TUBGCP5: variants seen among roughly 807,000 people sequenced by gnomAD.
TUBGCP5 encodes the protein gamma-tubulin complex component 5.
In TUBGCP5, 98 loss-of-function variants were observed where a neutral mutation model predicts 134.7. That is an observed-to-expected ratio of 0.73 (90% CI 0.62 to 0.86). TUBGCP5 has a LOEUF of 0.86. Ranked by LOEUF, TUBGCP5 falls within the 40% of genes least tolerant of loss-of-function variation. TUBGCP5 has a pLI of 0.00. For missense variants in TUBGCP5, 1,150 were observed against 1,244.8 expected (o/e 0.92, Z 1.15); for synonymous variants, 456 against 431.4 (o/e 1.06, Z -0.71).
rs1365402087 is a variant in TUBGCP5 at position 23,005,488 on chromosome 15, A to G, written c.2656T>C (p.Leu886=). Residue 886 remains leucine (L), a synonymous_variant, in exon 19 of 23, where the codon TTA becomes CTA. Transcript: ENST00000615383. ...VRQQIHRMFL[L]RVKLMHFVNS... is the part of the protein sequence containing the mutation. The stretch of plus-strand genomic sequence containing the variant: ...ACGAAATGCATGAGCTTCACTCTTA[A>G]GAGGAACATGCGATGAATCTGCTGT... 2 of 1,614,202 alleles carry G rather than the reference A, an allele frequency of 1.2e-6. 1 individual carries two copies. Among genetic ancestry groups the G allele is most frequent in the South Asian group, 2.2e-5 (2 of 91,086 alleles).
chr15:22,983,692 T>C (rs1056515714), intron 23 of TUBGCP5: 4 of 152,188 alleles, frequency 2.6e-5, no homozygotes, highest in African/African-American at 7.2e-5. Flanking sequence ...TGGTATACTA[T>C]AATAAAAGTG....
At position 23,031,506 on chromosome 15, in the gene TUBGCP5, G is replaced by C. The variant is rs190071724; in HGVS notation, c.486+444C>G. Among the ~76,000 whole-genome samples, 3 of 152,148 alleles carry C rather than the reference G, an allele frequency of 2.0e-5. No individual in the cohort carries two copies. In the East Asian group the frequency reaches 5.8e-4, roughly 29 times the overall value. ...TAATTTTTTGTATTCTTAGTTGACG[G>C]GGTTTCACTATGTTGCCCAGGCTGC... On this transcript the variant is annotated intron_variant, in intron 5 of 22. Transcript: ENST00000615383.
intron 21 of TUBGCP5, among the ~76,000 whole-genome samples, chr15:23,002,492 C>T (rs1448725999): frequency 6.6e-6 from 1 of 152,182 alleles, no homozygotes; most frequent in Non-Finnish European, 1.5e-5. Context: ...GAGCTGCTCC[C>T]GGGCCACTTC....
At chr15:22,985,966 T>C (rs1242167280) in intron 23 of TUBGCP5, among the ~76,000 whole-genome samples, 1 of 151,638 alleles carries the variant, frequency 6.6e-6, no homozygotes, top group Non-Finnish European at 1.5e-5. Flanking sequence ...ACCTTGTCTC[T>C]ATCAAAAATA....
chr15:22,996,629 A>G (rs1287930077), downstream of TUBGCP5, among the ~76,000 whole-genome samples: 1 of 152,126 alleles, frequency 6.6e-6, no homozygotes, highest in East Asian at 1.9e-4. Context: ...GTGGGACTAC[A>G]GGTGTCTGTC....
intron 23 of TUBGCP5, among the ~76,000 whole-genome samples, chr15:22,984,513 C>A (rs62009539): frequency 6.6e-6 from 1 of 151,796 alleles, no homozygotes. Flanking sequence ...CCAGCTACCC[C>A]GGGGGCTGAG....
chr15:22,990,647 A>C (rs1260660425), intron 23 of TUBGCP5, among the ~76,000 whole-genome samples: 1 of 152,196 alleles, frequency 6.6e-6, no homozygotes, highest in Non-Finnish European at 1.5e-5. Flanking sequence ...GAACTGTAAT[A>C]AATTTCTCCT....
In TUBGCP5 at chr15:23,018,011, G is replaced by A. The variant is rs139053896; in HGVS notation, c.1518C>T (p.Asp506=). The part of the protein sequence containing the change: ...RNKNVPVNHR[D]FWYATYTLYS... ...ATAACGTGTAAGTTGCATACCAGAA[G>A]TCTCTGTGATTAACTGGAACATTTT... The change falls in exon 13 of 23, where the codon GAC becomes GAT. Residue 506 remains aspartate, a synonymous_variant. Coordinates refer to ENST00000615383, the MANE Select transcript of TUBGCP5 (RefSeq NM_052903.6). 4.0e-4 allele frequency: 644 copies of A among 1,612,336 alleles called. 1 individual carries two copies. The highest frequency in any genetic ancestry group is 5.0e-4 in the Non-Finnish European group (595 of 1,178,816).
At chr15:23,027,118 AC>A in intron 7 of TUBGCP5, 73 bp downstream of exon 7, 1 of 1,164,438 alleles carries the variant, frequency 8.6e-7, no homozygotes, top group South Asian at 1.4e-5. Flanking sequence ...AACTTAAGTC[AC>A]AAATCAAAGC....
At chr15:23,031,922 T>C (rs1256449173) in intron 5 of TUBGCP5, 28 bp downstream of exon 5, 1 of 1,575,112 alleles carries the variant, frequency 6.3e-7, no homozygotes, top group Non-Finnish European at 8.6e-7. Flanking sequence ...GTATTTCAAT[T>C]TTCAATAGCA....
In TUBGCP5 at chr15:23,003,345, A is replaced by G. The variant is rs75052668; in HGVS notation, c.2839-192T>C. On this transcript the variant is annotated intron_variant, in intron 20 of 22. Transcript: ENST00000615383. ...GGCACATGCATTCACTGAATGTAAG[A>G]TACAAGTGATATTAGCAGTACAGTC... Among the ~76,000 whole-genome samples, 935 of 152,364 alleles carry G rather than the reference A, an allele frequency of 6.1e-3. 10 individuals are homozygous for G. Among genetic ancestry groups the G allele is most frequent in the African/African-American group, 0.021 (866 of 41,586 alleles).
At chr15:23,010,806 C>G (rs947467787) in intron 14 of TUBGCP5, among the ~76,000 whole-genome samples, 1 of 151,864 alleles carries the variant, frequency 6.6e-6, no homozygotes, top group African/African-American at 2.4e-5. Context: ...GGAGGAAACC[C>G]CGTCTCTACA....
At position 23,037,086 on chromosome 15, in the gene TUBGCP5, C is replaced by T. The variant is rs145308777; in HGVS notation, c.200+13G>A. The T allele has an allele frequency of 2.9e-4, 462 of 1,613,306 alleles. 1 individual carries two copies. In the African/African-American group the frequency reaches 5.3e-3, roughly 18 times the overall value. On this transcript the variant is annotated intron_variant, in intron 2 of 22. Transcript: ENST00000615383. ...ATATATTTCTGGATGCGTATATATA[C>T]ACACTGACTTACCCTTCGATTGTTT...
At chr15:23,018,124 T>G in intron 12 of TUBGCP5, 83 bp from the exon 13 acceptor site, 2 of 1,354,008 alleles carry the variant, frequency 1.5e-6, no homozygotes, top group East Asian at 4.9e-5. Context: ...GTCCAGACAT[T>G]ATAAAACATA....
rs747568412 is a variant in TUBGCP5, at chr15:23,039,383, C to G, written c.146+15G>C. On this transcript the variant is annotated intron_variant, in intron 1 of 22. Coordinates refer to ENST00000615383, the MANE Select transcript of TUBGCP5 (RefSeq NM_052903.6). ...GGCTGTGGCCGGGAACCCGCCCGCG[C>G]GCCGTGCCCCACACCTGAAGTTGGA... 5 of 1,426,446 alleles carry G rather than the reference C, an allele frequency of 3.5e-6. No individual in the cohort carries two copies. Among genetic ancestry groups the G allele is most frequent in the Non-Finnish European group, 4.6e-6 (5 of 1,077,594 alleles). 88.4% of individuals were successfully genotyped at this position (1,426,446 alleles called of 1,614,324 possible). A position where few individuals can be genotyped will look rare whatever the true frequency, so the allele number is the denominator to read the frequency against.
At chr15:23,005,879 T>C in intron 18 of TUBGCP5, 173 bp downstream of exon 18, 1 of 721,654 alleles carries the variant, frequency 1.4e-6, no homozygotes, top group Non-Finnish European at 2.2e-6. Flanking sequence ...TCCATAAAAC[T>C]ACTGCTAGAA....
At chr15:23,029,328 T>A (rs575647380) in intron 6 of TUBGCP5, among the ~76,000 whole-genome samples, 1 of 152,166 alleles carries the variant, frequency 6.6e-6, no homozygotes, top group Non-Finnish European at 1.5e-5. Context: ...TTCAAGCGAT[T>A]CTTCTGCTTC....
intron 3 of TUBGCP5, among the ~76,000 whole-genome samples, chr15:23,034,049 T>C (rs2066455883): frequency 6.6e-6 from 1 of 152,220 alleles, no homozygotes; most frequent in African/African-American, 2.4e-5. Flanking sequence ...TTGTGGTAAC[T>C]GAGCTCTTGA....
At chr15:23,033,179 T>C (rs993780655) in intron 3 of TUBGCP5, among the ~76,000 whole-genome samples, 1 of 152,212 alleles carries the variant, frequency 6.6e-6, no homozygotes, top group South Asian at 2.1e-4. Context: ...ACATGCCTGA[T>C]AGTTTAACTA....
Sources: allele counts gnomAD v4.1 joint callset (sites outside exome capture counted in the v4.1 genomes callset), GRCh38; gene constraint gnomAD v4.1.1; transcripts MANE v1.5; gene names NCBI Gene and HGNC (gene_info 2026-07-23, HGNC 2026-07-21).